ZNF385B: variants seen among roughly 807,000 people sequenced by gnomAD.
The protein encoded by ZNF385B is zinc finger protein 385B, also known as zinc finger protein 533.
In ZNF385B, 23 loss-of-function variants were observed where a neutral mutation model predicts 39.2. The observed-to-expected ratio is 0.59, with a 90% CI of 0.42 to 0.83. ZNF385B has a LOEUF of 0.83. Among genes scored for constraint, ZNF385B ranks in the 40% least tolerant of loss-of-function variants. ZNF385B has a pLI of 0.00. For missense variants in ZNF385B, 552 were observed against 598.9 expected, an observed-to-expected ratio of 0.92 and a Z score of 0.82; for synonymous variants, 205 against 222.6, an observed-to-expected ratio of 0.92 and a Z score of 0.70.
intron 6 of ZNF385B, among the ~76,000 whole-genome samples, chr2:179,476,632 C>T (rs1382975845): frequency 1.3e-5 from 2 of 152,070 alleles, no homozygotes; most frequent in African/African-American, 4.8e-5. Flanking sequence ...AAGTTAGTTC[C>T]CAGAGGATGA....
rs1046495291 is a variant in ZNF385B, at chr2:179,447,744, TA to T, written c.716-975del. Among the ~76,000 whole-genome samples, 11 of 152,322 alleles carry T rather than the reference TA, an allele frequency of 7.2e-5. No individual in the cohort carries two copies. The East Asian group carries it at 2.1e-3, about 29-fold the overall frequency. Reference sequence around the variant, plus strand: ...GAATTAAATCTGAGAATATATTTGCTAATTGCCTTAGCTAATTTGGAATTGT... The same window carrying T: ...GAATTAAATCTGAGAATATATTTGCTATTGCCTTAGCTAATTTGGAATTGT... On this transcript the variant is annotated intron_variant, in intron 6 of 9. Transcript: ENST00000410066.
At chr2:179,549,135 G>A (rs889817442) in intron 3 of ZNF385B, among the ~76,000 whole-genome samples, 6 of 149,404 alleles carry the variant, frequency 4.0e-5, no homozygotes, top group African/African-American at 1.0e-4. Context: ...GTTGTAGCAC[G>A]TATCAGAATT....
intron 1 of ZNF385B, among the ~76,000 whole-genome samples, chr2:179,830,724 A>T (rs1247865497): frequency 2.0e-5 from 3 of 152,228 alleles, no homozygotes; most frequent in Non-Finnish European, 4.4e-5. Context: ...AGAGATGAAT[A>T]GGTGGAACAT....
intron 3 of ZNF385B, among the ~76,000 whole-genome samples, chr2:179,737,455 T>G (rs1362358316): frequency 6.6e-6 from 1 of 152,106 alleles, no homozygotes; most frequent in Non-Finnish European, 1.5e-5. Flanking sequence ...AAACCTCACA[T>G]GTTGTGCCAT....
At chr2:179,557,749 G>T (rs76935460) in intron 3 of ZNF385B, among the ~76,000 whole-genome samples, 34,453 of 150,908 alleles carry the variant, frequency 0.23, 4,347 homozygotes, top group African/African-American at 0.33. Context: ...AGATTCATAG[G>T]GTACATGTAT....
At chr2:179,728,147 C>T (rs897978911) in intron 3 of ZNF385B, among the ~76,000 whole-genome samples, 2 of 152,048 alleles carry the variant, frequency 1.3e-5, no homozygotes, top group African/African-American at 4.8e-5. Flanking sequence ...TATGATTAAA[C>T]CCTCTGAATG....
At chr2:179,604,301 A>G (rs1487459670) in intron 3 of ZNF385B, among the ~76,000 whole-genome samples, 2 of 152,164 alleles carry the variant, frequency 1.3e-5, no homozygotes, top group Non-Finnish European at 2.9e-5. Context: ...TTTAAAGTAT[A>G]GAACTATTAA....
At chr2:179,614,225 G>T (rs1401094959) in intron 3 of ZNF385B, among the ~76,000 whole-genome samples, 1 of 151,962 alleles carries the variant, frequency 6.6e-6, no homozygotes, top group Non-Finnish European at 1.5e-5. Flanking sequence ...TGTTTTTTGT[G>T]TGAATAGTTG....
At chr2:179,855,167 TATAATG>T (rs1559254638) in intron 1 of ZNF385B, among the ~76,000 whole-genome samples, 1 of 152,226 alleles carries the variant, frequency 6.6e-6, no homozygotes. Context: ...GTTTTGCTGA[TATAATG>T]ATAACATAAT....
At chr2:179,562,734 ACT>A (rs375137890) in intron 3 of ZNF385B, 42 of 249,660 alleles carry the variant, frequency 1.7e-4, no homozygotes, top group Non-Finnish European at 2.5e-4. Context: ...AAAAACTACC[ACT>A]CTGTCATAGT....
At chr2:179,745,707 G>T (rs200511244) in intron 3 of ZNF385B, 37 of 1,537,664 alleles carry the variant, frequency 2.4e-5, no homozygotes, top group South Asian at 4.9e-5. Flanking sequence ...GAATAAAAAC[G>T]CTCACCTCTG....
At chr2:179,484,259 C>T (rs979219272) in intron 5 of ZNF385B, among the ~76,000 whole-genome samples, 12 of 151,892 alleles carry the variant, frequency 7.9e-5, no homozygotes, top group Admixed American at 7.2e-4. Context: ...CAAGGCTTTT[C>T]TCTTATTGGC....
chr2:179,843,008 C>T (rs1708618855), intron 1 of ZNF385B, among the ~76,000 whole-genome samples: 1 of 152,254 alleles, frequency 6.6e-6, no homozygotes, highest in East Asian at 1.9e-4. Flanking sequence ...ACCGCCCCCA[C>T]CCCAAAACTC....
At chr2:179,628,327 GTTAA>G (rs1690863859) in intron 3 of ZNF385B, among the ~76,000 whole-genome samples, 1 of 152,098 alleles carries the variant, frequency 6.6e-6, no homozygotes, top group African/African-American at 2.4e-5. Flanking sequence ...ATTTTAATCT[GTTAA>G]TTAATTTTTT....
At chr2:179,789,443 G>T (rs1705196205) in intron 1 of ZNF385B, among the ~76,000 whole-genome samples, 1 of 152,070 alleles carries the variant, frequency 6.6e-6, no homozygotes, top group South Asian at 2.1e-4. Flanking sequence ...TATATAAATG[G>T]GTACAAGGTA....
chr2:179,815,538 A>G (rs1707009737), intron 1 of ZNF385B, among the ~76,000 whole-genome samples: 1 of 152,206 alleles, frequency 6.6e-6, no homozygotes, highest in African/African-American at 2.4e-5. Context: ...TCATGAAATC[A>G]TTTTGTTTCA....
At chr2:179,591,465 C>T (rs1687558655) in intron 3 of ZNF385B, among the ~76,000 whole-genome samples, 1 of 152,084 alleles carries the variant, frequency 6.6e-6, no homozygotes. Flanking sequence ...AAGGGGTTGG[C>T]CTGGCTAATA....
intron 3 of ZNF385B, among the ~76,000 whole-genome samples, chr2:179,731,895 CT>C (rs1378949281): frequency 6.6e-6 from 1 of 152,248 alleles, no homozygotes; most frequent in Admixed American, 6.5e-5. Context: ...ACCAGCTTGC[CT>C]GCTTTGCCAA....
chr2:179,589,994 G>C (rs1302891787), intron 3 of ZNF385B, among the ~76,000 whole-genome samples: 1 of 152,166 alleles, frequency 6.6e-6, no homozygotes, highest in Non-Finnish European at 1.5e-5. Flanking sequence ...AAAAAATTTA[G>C]CATGGCATAG....
Sources: allele counts gnomAD v4.1 joint callset (sites outside exome capture counted in the v4.1 genomes callset), GRCh38; gene constraint gnomAD v4.1.1; transcripts MANE v1.5; gene names NCBI Gene and HGNC (gene_info 2026-07-23, HGNC 2026-07-21).